SCP2: variants seen among roughly 807,000 people sequenced by gnomAD.
SCP2 encodes sterol carrier protein 2.
In SCP2, 48 loss-of-function variants were observed where a neutral mutation model predicts 71.4. That is an observed-to-expected ratio of 0.67 (90% confidence interval 0.53 to 0.86). The LOEUF (loss-of-function observed/expected upper bound fraction) is 0.86. SCP2 is among the 40% of genes least tolerant of loss of function. The probability of loss-of-function intolerance (pLI) is 0.00; values close to 1 mark genes in which losing one functional copy is unlikely to be tolerated. For missense variants in SCP2, 560 were observed against 655.6 expected (o/e 0.85, Z 1.59); for synonymous variants, 220 against 218.1 (o/e 1.01, Z -0.08).
intron 5 of SCP2, among the ~76,000 whole-genome samples, chr1:52,957,341 A>G (rs1023860595): frequency 1.4e-4 from 22 of 152,362 alleles, no homozygotes; most frequent in African/African-American, 5.0e-4. Flanking sequence ...AAGCATTCAT[A>G]TGCATATACA....
intron 12 of SCP2, among the ~76,000 whole-genome samples, chr1:53,021,662 T>TGGGG (rs757178786): frequency 5.5e-5 from 8 of 145,950 alleles, no homozygotes; most frequent in African/African-American, 2.1e-4. Flanking sequence ...TTTTTTTTTT[T>TGGGG]GGGACAGAGT....
chr1:52,959,337 G>A lies in SCP2; in HGVS notation c.397-2166G>A, dbSNP rs147348381. Among the ~76,000 whole-genome samples, 327 of 151,324 alleles carry A rather than the reference G, an allele frequency of 2.2e-3. 8 individuals carry two copies. The East Asian group carries it at 0.058, about 27-fold the overall frequency. ...CAGCCTCCCGAGTAGCTGGGATTAC[G>A]GGCATGCGCCACCACGCCCTGCTAA... On this transcript the variant is annotated intron_variant, in intron 5 of 15. Coordinates refer to ENST00000371514, the MANE Select transcript of SCP2 (RefSeq NM_002979.5).
In SCP2 at chr1:53,050,770, T is replaced by C; in HGVS notation, c.*66T>C. 1 of 1,121,328 alleles carries C rather than the reference T, an allele frequency of 8.9e-7. No homozygotes were observed. Among genetic ancestry groups the C allele is most frequent in the Non-Finnish European group, 1.4e-6 (1 of 737,094 alleles). The allele number at this position is 1,121,328 out of a possible 1,614,324, so 69.5% of individuals were successfully genotyped here. A position where few individuals can be genotyped will look rare whatever the true frequency, so the allele number is the denominator to read the frequency against. Reference sequence around the variant, plus strand: ...TATAGATATATATCCATACATTTTATTGTCAGAATTTAGACTGAAACTACA... The same window carrying C: ...TATAGATATATATCCATACATTTTACTGTCAGAATTTAGACTGAAACTACA... On this transcript the variant is annotated 3_prime_UTR_variant, in exon 16 of 16. Transcript: ENST00000371514.
At chr1:53,028,812 G>T (rs1283039737) in intron 13 of SCP2, among the ~76,000 whole-genome samples, 1 of 152,050 alleles carries the variant, frequency 6.6e-6, no homozygotes, top group Non-Finnish European at 1.5e-5. Context: ...GTCTTGCTCT[G>T]TCACCCAGGC....
intron 5 of SCP2, among the ~76,000 whole-genome samples, chr1:52,957,856 T>G (rs12405280): frequency 0.29 from 44,645 of 151,812 alleles, 7,903 homozygotes; most frequent in Admixed American, 0.43. Flanking sequence ...ATTATTTTCA[T>G]GTGGATGTCC....
chr1:53,017,551 A>G (rs1661419572), intron 12 of SCP2, among the ~76,000 whole-genome samples: 1 of 152,190 alleles, frequency 6.6e-6, no homozygotes, highest in Admixed American at 6.5e-5. Flanking sequence ...TTATTGCTCA[A>G]TAATATTCCA....
chr1:53,008,367 GC>G (rs1282221365), intron 11 of SCP2, among the ~76,000 whole-genome samples: 1 of 152,182 alleles, frequency 6.6e-6, no homozygotes, highest in Non-Finnish European at 1.5e-5. Flanking sequence ...GAACATTGAT[GC>G]AAAAGTCCTC....
At chr1:52,964,435 C>G (rs548720745) in intron 6 of SCP2, among the ~76,000 whole-genome samples, 54 of 151,898 alleles carry the variant, frequency 3.6e-4, no homozygotes, top group African/African-American at 1.3e-3. Flanking sequence ...CTCCTGACCT[C>G]GTGATCCGCC....
intron 13 of SCP2, among the ~76,000 whole-genome samples, chr1:53,032,281 A>G (rs1257151228): frequency 6.6e-6 from 1 of 152,228 alleles, no homozygotes; most frequent in Non-Finnish European, 1.5e-5. Context: ...TTCTGGTTGT[A>G]CTACCCACTA....
chr1:52,999,313 A>G (rs1251569355), intron 11 of SCP2, among the ~76,000 whole-genome samples: 1 of 152,218 alleles, frequency 6.6e-6, no homozygotes, highest in Admixed American at 6.5e-5. Context: ...TTTTTTCTCT[A>G]GTTACTTGGA....
Position 53,037,879 on chromosome 1 carries a change from T to TACACACACAC in SCP2, c.1339-996_1339-987dup, listed in dbSNP as rs34293671. 8.9e-3 allele frequency among the ~76,000 whole-genome samples: 756 copies of TACACACACAC among 84,596 alleles called. 13 individuals are homozygous for TACACACACAC. Among genetic ancestry groups the TACACACACAC allele is most frequent in the Non-Finnish European group, 0.013 (574 of 43,242 alleles). 55.5% of individuals were successfully genotyped at this position (84,596 alleles called of 152,430 possible). On this transcript the variant is annotated intron_variant, in intron 13 of 15. Transcript: ENST00000371514. ...AACATAGGGAGATCCTGTCTCTACA[T>TACACACACAC]ACACACACACACACACACACACACA... is the stretch of plus-strand genomic sequence containing the variant.
intron 11 of SCP2, among the ~76,000 whole-genome samples, chr1:53,006,048 A>G (rs1454289410): frequency 6.6e-6 from 1 of 152,226 alleles, no homozygotes; most frequent in Non-Finnish European, 1.5e-5. Flanking sequence ...GATCAAATGA[A>G]TGAAATGAAG....
intron 10 of SCP2, among the ~76,000 whole-genome samples, chr1:52,982,361 G>A (rs1658596841): frequency 6.6e-6 from 1 of 152,158 alleles, no homozygotes; most frequent in African/African-American, 2.4e-5. Context: ...ACGAGGTCAG[G>A]AGATCGAGAC....
intron 11 of SCP2, among the ~76,000 whole-genome samples, chr1:52,996,868 C>G (rs1659972212): frequency 6.6e-6 from 1 of 152,208 alleles, no homozygotes; most frequent in Admixed American, 6.5e-5. Flanking sequence ...GGGAACCCTC[C>G]TCCATCTTTT....
chr1:52,991,404 CT>C (rs138717286), intron 11 of SCP2, among the ~76,000 whole-genome samples: 63 of 145,344 alleles, frequency 4.3e-4, no homozygotes, highest in Middle Eastern at 3.5e-3. Flanking sequence ...TTTCTTTTTT[CT>C]TTTTTTTTTC....
At chr1:52,931,983 A>G (rs1012815363) in intron 1 of SCP2, among the ~76,000 whole-genome samples, 1 of 152,194 alleles carries the variant, frequency 6.6e-6, no homozygotes, top group Non-Finnish European at 1.5e-5. Flanking sequence ...GAAATTAAAC[A>G]TATTTTGACC....
chr1:52,937,552 A>G (rs1340854316), intron 1 of SCP2, among the ~76,000 whole-genome samples: 1 of 152,166 alleles, frequency 6.6e-6, no homozygotes, highest in Non-Finnish European at 1.5e-5. Context: ...GTAATTCAAG[A>G]ATTATGGAGA....
At position 52,980,514 on chromosome 1, in the gene SCP2, C is replaced by T. The variant is rs1369786145; in HGVS notation, c.944C>T (p.Thr315Ile). Residue 315 changes from threonine to isoleucine, a missense_variant, in exon 10 of 16, where the codon ACT becomes ATT. Coordinates refer to ENST00000371514, the MANE Select transcript of SCP2 (RefSeq NM_002979.5). ...HDCFSTNELLTYEALGLCPEG... is the reference protein window; with the variant it reads ...HDCFSTNELLIYEALGLCPEG... ...TGCTTTTCTACCAACGAACTCCTTA[C>T]TTATGAAGCACTGGGACTCTGTCCA... 1.2e-6 allele frequency: 2 copies of T among 1,613,876 alleles called. No individual in the cohort carries two copies. The highest frequency in any genetic ancestry group is 3.3e-5 in the Admixed American group (2 of 59,992).
intron 1 of SCP2, among the ~76,000 whole-genome samples, chr1:52,930,116 T>C (rs1653004427): frequency 6.6e-6 from 1 of 152,228 alleles, no homozygotes; most frequent in African/African-American, 2.4e-5. Context: ...GTCACCTTTT[T>C]TGAAATTCTG....
Sources: gnomAD v4.1 joint callset for allele counts (sites outside exome capture counted in the v4.1 genomes callset) on GRCh38, gnomAD v4.1.1 for gene constraint, MANE v1.5 for transcripts, NCBI Gene and HGNC (gene_info 2026-07-23, HGNC 2026-07-21) for gene names.